Variants in NCOR1 observed in about 807,000 individuals in gnomAD.
The protein encoded by NCOR1 is nuclear receptor corepressor 1.
Under a neutral mutation model 288.1 loss-of-function variants are expected in NCOR1, and 63 were observed. The observed-to-expected ratio is 0.22, with a 90% CI of 0.18 to 0.27. NCOR1 has a LOEUF of 0.27. Ranked by LOEUF, NCOR1 falls within the 10% of genes least tolerant of loss-of-function variation. The pLI is 1.00. For synonymous variants in NCOR1, 1,007 were observed against 1,065.9 expected (o/e 0.94, Z 1.08); for missense variants, 2,397 against 3,019.2 (o/e 0.79, Z 4.83).
At chr17:16,199,210 A>ACACACACACACAC (rs1555813660) in intron 1 of NCOR1, among the ~76,000 whole-genome samples, 79 of 109,214 alleles carry the variant, frequency 7.2e-4, no homozygotes, top group African/African-American at 2.8e-3. Context: ...GAAGGAAAAA[A>ACACACACACACAC]AAAAAAACAC....
intron 22 of NCOR1, among the ~76,000 whole-genome samples, chr17:16,088,930 T>C (rs1358694185): frequency 6.6e-6 from 1 of 152,138 alleles, no homozygotes; most frequent in Non-Finnish European, 1.5e-5. Flanking sequence ...CTTTGACATA[T>C]TAATATAATG....
At chr17:16,059,621 T>C (rs919402707) in intron 37 of NCOR1, among the ~76,000 whole-genome samples, 2 of 152,118 alleles carry the variant, frequency 1.3e-5, no homozygotes, top group Non-Finnish European at 2.9e-5. Flanking sequence ...GAGCTGACAG[T>C]TGGGAGCAGA....
intron 32 of NCOR1, among the ~76,000 whole-genome samples, chr17:16,066,461 T>C (rs2061135391): frequency 6.6e-6 from 1 of 152,100 alleles, no homozygotes; most frequent in Non-Finnish European, 1.5e-5. Flanking sequence ...CTCAAAACAT[T>C]ATAATCCAAC....
At chr17:16,200,086 A>G (rs1728180959) in intron 1 of NCOR1, among the ~76,000 whole-genome samples, 1 of 152,176 alleles carries the variant, frequency 6.6e-6, no homozygotes, top group South Asian at 2.1e-4. Context: ...CAAAAAAAAA[A>G]GCAATTTTTC....
chr17:16,089,889 C>T (rs775213143), intron 22 of NCOR1, among the ~76,000 whole-genome samples: 1 of 152,060 alleles, frequency 6.6e-6, no homozygotes, highest in African/African-American at 2.4e-5. Context: ...GGGAGATTAG[C>T]TAAAACAAAA....
In NCOR1 at chr17:16,047,214, G is replaced by A. The variant is rs370528011; in HGVS notation, c.6537-121C>T. 57 of 1,024,220 alleles carry A rather than the reference G, an allele frequency of 5.6e-5. No individual in the cohort carries two copies. The African/African-American group carries it at 8.9e-4, about 16-fold the overall frequency. The allele number at this position is 1,024,220 out of a possible 1,614,324, so 63.4% of individuals were successfully genotyped here. On this transcript the variant is annotated intron_variant, in intron 41 of 45. Transcript: ENST00000268712. ...ACTACTGCCTCCTCATCCTGTGTTT[G>A]TGGTTACAGCCCTAAGAAACAGTAT...
At chr17:16,149,292 C>CATAT (rs34511605) in intron 9 of NCOR1, among the ~76,000 whole-genome samples, 159 bp downstream of exon 9, 4,467 of 137,774 alleles carry the variant, frequency 0.032, 204 homozygotes, top group African/African-American at 0.099. Flanking sequence ...AGATTTAAGT[C>CATAT]ATATATATAT....
chr17:16,138,534 G>A (rs1175284273), intron 12 of NCOR1, among the ~76,000 whole-genome samples: 3 of 152,156 alleles, frequency 2.0e-5, no homozygotes, highest in Admixed American at 6.5e-5. Flanking sequence ...GCAGTGAGCC[G>A]AGATCACAAC....
chr17:16,141,048 G>C (rs965869390), intron 11 of NCOR1, among the ~76,000 whole-genome samples: 2 of 150,876 alleles, frequency 1.3e-5, no homozygotes, highest in Non-Finnish European at 1.5e-5. Context: ...GCAATAGTAT[G>C]TGCAATATGT....
chr17:16,106,870 TA>T (rs1568054514), intron 19 of NCOR1, among the ~76,000 whole-genome samples: 26 of 52,872 alleles, frequency 4.9e-4, no homozygotes, highest in African/African-American at 2.4e-3. Context: ...TATATATATA[TA>T]TATATATATA....
At chr17:16,041,394 T>C (rs1317567167) in intron 42 of NCOR1, 2 of 144,402 alleles carry the variant, frequency 1.4e-5, no homozygotes, top group Admixed American at 7.0e-5. Flanking sequence ...TCCCAAAGAA[T>C]GTGAAAGTTC....
chr17:16,063,726 T>C (rs570876643), intron 35 of NCOR1, among the ~76,000 whole-genome samples: 1 of 152,300 alleles, frequency 6.6e-6, no homozygotes, highest in Non-Finnish European at 1.5e-5. Context: ...ATTCCTCCTC[T>C]AAACTCAAGC....
At chr17:16,145,372 G>GTGGGGAGTGCC (rs1168760723) in intron 10 of NCOR1, among the ~76,000 whole-genome samples, 1 of 150,926 alleles carries the variant, frequency 6.6e-6, no homozygotes, top group Non-Finnish European at 1.5e-5. Flanking sequence ...CGTCTGGGAT[G>GTGGGGAGTGCC]TGGGGAGTGC....
At chr17:16,212,405 A>C (rs1028507904) in intron 1 of NCOR1, among the ~76,000 whole-genome samples, 1 of 152,200 alleles carries the variant, frequency 6.6e-6, no homozygotes, top group African/African-American at 2.4e-5. Flanking sequence ...ATACTGGTTG[A>C]ATATAAGTGA....
chr17:16,109,012 A>C, intron 18 of NCOR1, 100 bp from the exon 19 acceptor site: 1 of 908,600 alleles, frequency 1.1e-6, no homozygotes, highest in Non-Finnish European at 1.5e-6. Flanking sequence ...CACACACACC[A>C]GACAAGGAGG....
At chr17:16,149,614 T>TAAG in intron 8 of NCOR1, 97 bp from the exon 9 acceptor site, 1 of 494,808 alleles carries the variant, frequency 2.0e-6, no homozygotes, top group East Asian at 3.2e-5. Flanking sequence ...TAGGCAAAGA[T>TAAG]CACTTAAGAA....
intron 13 of NCOR1, 165 bp downstream of exon 13, chr17:16,137,993 G>A: frequency 1.8e-6 from 1 of 558,564 alleles, no homozygotes; most frequent in Non-Finnish European, 3.1e-6. Context: ...TCTGTGTTAC[G>A]ATTTCTCTAA....
intron 3 of NCOR1, among the ~76,000 whole-genome samples, chr17:16,176,613 A>C (rs1195322506): frequency 1.3e-5 from 2 of 150,696 alleles, no homozygotes; most frequent in Non-Finnish European, 2.9e-5. Flanking sequence ...TTTCATGTCT[A>C]AGAAAATCTG....
intron 41 of NCOR1, among the ~76,000 whole-genome samples, chr17:16,048,601 GATTTA>G (rs1232707725): frequency 6.6e-6 from 1 of 151,706 alleles, no homozygotes; most frequent in Non-Finnish European, 1.5e-5. Flanking sequence ...AATCTAGAAA[GATTTA>G]ATTTCAAGAA....
Sources: allele counts gnomAD v4.1 joint callset (sites outside exome capture counted in the v4.1 genomes callset), GRCh38; gene constraint gnomAD v4.1.1; transcripts MANE v1.5; gene names NCBI Gene and HGNC (gene_info 2026-07-23, HGNC 2026-07-21).